Variants in PRPF40B observed in about 807,000 individuals in gnomAD.
The protein encoded by PRPF40B is pre-mRNA-processing factor 40 homolog B.
Under a neutral mutation model 124.5 loss-of-function variants are expected in PRPF40B, and 56 were observed. The ratio of observed to expected loss-of-function variants is 0.45; its 90% CI spans 0.36 to 0.56. PRPF40B has a LOEUF of 0.56. Among genes scored for constraint, PRPF40B ranks in the 20% least tolerant of loss-of-function variants. The probability of loss-of-function intolerance (pLI) is 0.00; values close to 1 mark genes in which losing one functional copy is unlikely to be tolerated. For synonymous variants in PRPF40B, 443 were observed against 426.4 expected, an observed-to-expected ratio of 1.04 and a Z score of -0.48; for missense variants, 1,053 against 1,169.5, an observed-to-expected ratio of 0.90 and a Z score of 1.45.
intron 1 of PRPF40B, among the ~76,000 whole-genome samples, chr12:49,625,673 T>A (rs879396910): frequency 6.6e-6 from 1 of 152,198 alleles, no homozygotes; most frequent in African/African-American, 2.4e-5. Flanking sequence ...GATGATCAGA[T>A]GATCAAGTGT....
Position 49,634,468 on chromosome 12 carries a change from G to A in PRPF40B, c.936+13G>A. 1 of 1,614,144 alleles carries A rather than the reference G, an allele frequency of 6.2e-7. No homozygotes were observed. The highest frequency in any genetic ancestry group is 2.2e-5 in the East Asian group (1 of 44,882). On this transcript the variant is annotated intron_variant, in intron 11 of 25. Transcript: ENST00000548825. ...GCTGAGGGACAAGGTGCTGGAGTGG[G>A]GCTCCCAGGGAAGGTTTGGAGGGGG...
Position 49,634,380 on chromosome 12 carries a change from A to G in PRPF40B, c.861A>G (p.Glu287=). The G allele has an allele frequency of 6.2e-7, 1 of 1,614,222 alleles. No homozygotes were observed. The highest frequency in any genetic ancestry group is 8.5e-7 in the Non-Finnish European group (1 of 1,180,038). Reference sequence around the variant, plus strand: ...AGGAGGAGGAGGAATCAAAGCCAGAACCAGAGAGGTCTGGCCTCAGTTGGA... The same window carrying G: ...AGGAGGAGGAGGAATCAAAGCCAGAGCCAGAGAGGTCTGGCCTCAGTTGGA... ...PQQEEEESKP[E]PERSGLSWSN... The change falls in exon 11 of 26, where the codon GAA becomes GAG. Residue 287 remains glutamate, a synonymous_variant. Transcript: ENST00000548825.
chr12:49,631,978 C>A lies in PRPF40B; in HGVS notation c.294+53C>A. 1 of 1,547,368 alleles carries A rather than the reference C, an allele frequency of 6.5e-7. No homozygotes were observed. Among genetic ancestry groups the A allele is most frequent in the South Asian group, 1.1e-5 (1 of 89,660 alleles). Reference sequence around the variant, plus strand: ...GGCTCTGCCCTGCAGTCCCGTGAGTCTGACTTGGAATGCAGGACTATGACC... The same window carrying A: ...GGCTCTGCCCTGCAGTCCCGTGAGTATGACTTGGAATGCAGGACTATGACC... On this transcript the variant is annotated intron_variant, in intron 4 of 25. Transcript: ENST00000548825. This position sits in a 1 kb window ranked among gnomAD's most constrained non-coding sequence, Gnocchi z 4.3.
chr12:49,642,366 G>A lies in PRPF40B; in HGVS notation c.2016G>A (p.Trp672Ter), dbSNP rs764981717. The change falls in exon 20 of 26, where the codon TGG (tryptophan) becomes TGA (stop). Residue 672 changes from tryptophan (W) to a stop codon, truncating the protein, a stop_gained. Coordinates refer to ENST00000548825, the MANE Select transcript of PRPF40B (RefSeq NM_001031698.3). LOFTEE classifies it high-confidence loss of function. This position sits in a 1 kb window ranked among gnomAD's most constrained non-coding sequence, Gnocchi z 5.8. The stretch of plus-strand genomic sequence containing the variant: ...CTGCTCTGGAGCTAGGCACTGCCTG[G>A]GAAGAGGTCAGGAGCGTAGCCTGGC... ...AVPALELGTA[W>*]EEVRERFVCD... The A allele has an allele frequency of 6.2e-7, 1 of 1,613,776 alleles. No individual in the cohort carries two copies. Among genetic ancestry groups the A allele is most frequent in the South Asian group, 1.1e-5 (1 of 91,076 alleles).
rs1354644741 is a variant in PRPF40B, at chr12:49,644,135, G to A, written c.2622G>A (p.Glu874=). The A allele has an allele frequency of 1.6e-5, 26 of 1,614,076 alleles. No homozygotes were observed. Among genetic ancestry groups the A allele is most frequent in the Admixed American group, 3.3e-5 (2 of 60,012 alleles). ...GWDTSESELS[E]GELERRRRTL... is the part of the protein sequence containing the mutation. ...ACACGTCAGAAAGTGAGCTGAGTGA[G>A]GGTGAGCTGGAGAGGCGGCGGCGGA... The change falls in exon 26 of 26, where the codon GAG becomes GAA. Residue 874 remains glutamate (E), a synonymous_variant. Coordinates refer to ENST00000548825, the MANE Select transcript of PRPF40B (RefSeq NM_001031698.3).
chr12:49,623,358 C>T (rs1014749159), upstream of PRPF40B: 14 of 209,682 alleles, frequency 6.7e-5, no homozygotes, highest in Non-Finnish European at 1.1e-4. Context: ...GGGGCGGACC[C>T]GGGACGCGGC....
At chr12:49,634,217 G>C in intron 10 of PRPF40B, 115 bp from the exon 11 acceptor site, 1 of 1,585,174 alleles carries the variant, frequency 6.3e-7, no homozygotes, top group Non-Finnish European at 8.6e-7. Context: ...CCTCTGAAGG[G>C]CAGAAAAAGG....
Position 49,642,625 on chromosome 12 carries a change from C to T in PRPF40B, c.2068C>T (p.Leu690=), listed in dbSNP as rs1473401616. The part of the protein sequence containing the change: ...VCDSAFEQIT[L]ESERIRLFRE... The stretch of plus-strand genomic sequence containing the variant: ...TGACTCAGCCTTTGAGCAGATCACC[C>T]TGGAGTCGGAGCGGATCCGGCTCTT... Residue 690 remains leucine, a synonymous_variant, in exon 21 of 26, where the codon CTG becomes TTG. Coordinates refer to ENST00000548825, the MANE Select transcript of PRPF40B (RefSeq NM_001031698.3). The surrounding 1 kb of genome is among the most constrained non-coding windows in gnomAD (Gnocchi z 5.8). 6.2e-7 allele frequency: 1 copy of T among 1,614,228 alleles called. No homozygotes were observed. The highest frequency in any genetic ancestry group is 8.5e-7 in the Non-Finnish European group (1 of 1,180,032).
rs1942089136 is a variant in PRPF40B, at chr12:49,638,043, T to C, written c.1767+219T>C. 1.7e-5 allele frequency: 9 copies of C among 542,230 alleles called. No individual in the cohort carries two copies. In the South Asian group the frequency reaches 1.9e-4, roughly 12 times the overall value. The allele number at this position is 542,230 out of a possible 1,614,324, so 33.6% of individuals were successfully genotyped here. A position where few individuals can be genotyped will look rare whatever the true frequency, so the allele number is the denominator to read the frequency against. ...AGGAAGATATACATGAGAACTGTTATACAAAGGGGCAAGTGTTATTACAGA... is the reference window on the plus strand; with the variant it reads ...AGGAAGATATACATGAGAACTGTTACACAAAGGGGCAAGTGTTATTACAGA... On this transcript the variant is annotated intron_variant, in intron 18 of 25. Transcript: ENST00000548825.
Position 49,635,947 on chromosome 12 carries a change from G to A in PRPF40B, c.1380G>A (p.Gln460=). 3.7e-6 allele frequency: 6 copies of A among 1,614,120 alleles called. No individual in the cohort carries two copies. The Middle Eastern group carries it at 5.0e-4, about 133-fold the overall frequency. The change falls in exon 15 of 26, where the codon CAG becomes CAA. Residue 460 remains glutamine (Q), a synonymous_variant. Coordinates refer to ENST00000548825, the MANE Select transcript of PRPF40B (RefSeq NM_001031698.3). This position sits in a 1 kb window ranked among gnomAD's most constrained non-coding sequence, Gnocchi z 4.1. Reference sequence around the variant, plus strand: ...AAACCACGTGGTCCCAGGCCCAGCAGTACCTCATGGATAACCCCAGCTTTG... The same window carrying A: ...AAACCACGTGGTCCCAGGCCCAGCAATACCTCATGGATAACCCCAGCTTTG... ...NFQTTWSQAQ[Q]YLMDNPSFAQ...
chr12:49,634,198 T>A, intron 10 of PRPF40B, 106 bp downstream of exon 10: 3 of 1,576,112 alleles, frequency 1.9e-6, no homozygotes, highest in South Asian at 2.4e-5. Flanking sequence ...TTTGAAGATC[T>A]GGGTGTGACC....
chr12:49,642,050 A>G lies in PRPF40B; in HGVS notation c.1884+26A>G. On this transcript the variant is annotated intron_variant, in intron 19 of 25. Coordinates refer to ENST00000548825, the MANE Select transcript of PRPF40B (RefSeq NM_001031698.3). This position sits in a 1 kb window ranked among gnomAD's most constrained non-coding sequence, Gnocchi z 5.8. ...GTGAGGGGCTGGGCGGGGCGTGGGA[A>G]GTTCTCTAATTCATCTGTGTCTTGC... 1 of 1,608,824 alleles carries G rather than the reference A, an allele frequency of 6.2e-7. No homozygotes were observed. The highest frequency in any genetic ancestry group is 1.1e-5 in the South Asian group (1 of 91,040).
At position 49,636,703 on chromosome 12, in the gene PRPF40B, T is replaced by A. The variant is rs767834251; in HGVS notation, c.1427-13T>A. 1.2e-6 allele frequency: 2 copies of A among 1,613,864 alleles called. No individual in the cohort carries two copies. Among genetic ancestry groups the A allele is most frequent in the Non-Finnish European group, 1.7e-6 (2 of 1,179,746 alleles). ...CTGGGACAATGCCCGCGGAACCTCCTGCCTGTCTTTAGACATGGACAAGGA... is the reference window on the plus strand; with the variant it reads ...CTGGGACAATGCCCGCGGAACCTCCAGCCTGTCTTTAGACATGGACAAGGA... On this transcript the variant is annotated splice_polypyrimidine_tract_variant and intron_variant, in intron 15 of 25. Transcript: ENST00000548825.
Position 49,631,792 on chromosome 12 carries a change from A to G in PRPF40B, c.229-68A>G. ...CAGTGAGATGTCTCAGGACCCTTTG[A>G]GGTACCCTGTCCCTCCTGTTCCAGC... On this transcript the variant is annotated intron_variant, in intron 3 of 25. Transcript: ENST00000548825. The surrounding 1 kb of genome is among the most constrained non-coding windows in gnomAD (Gnocchi z 4.3). 1 of 1,487,780 alleles carries G rather than the reference A, an allele frequency of 6.7e-7. No individual in the cohort carries two copies. 92.2% of individuals were successfully genotyped at this position (1,487,780 alleles called of 1,614,324 possible).
At position 49,633,005 on chromosome 12, in the gene PRPF40B, C is replaced by CA; in HGVS notation, c.349-9_349-8insA. On this transcript the variant is annotated splice_polypyrimidine_tract_variant and intron_variant, in intron 6 of 25. Transcript: ENST00000548825. ...TTGACCACCATTCTGTGCCCCCCCCCCCACCCAGAGGGCCCTATGGAGTGA... is the reference window on the plus strand; with the variant it reads ...TTGACCACCATTCTGTGCCCCCCCCCACCACCCAGAGGGCCCTATGGAGTGA... 8.2e-6 allele frequency: 6 copies of CA among 728,156 alleles called. No individual in the cohort carries two copies. 45.1% of individuals were successfully genotyped at this position (728,156 alleles called of 1,614,324 possible).
In PRPF40B at chr12:49,643,921, G is replaced by T; in HGVS notation, c.2503G>T (p.Glu835Ter). The T allele has an allele frequency of 6.2e-7, 1 of 1,614,222 alleles. No individual in the cohort carries two copies. The highest frequency in any genetic ancestry group is 8.5e-7 in the Non-Finnish European group (1 of 1,180,046). Residue 835 changes from glutamate to a stop codon, truncating the protein, a stop_gained, in exon 25 of 26, where the codon GAA (glutamate) becomes TAA (stop). Coordinates refer to ENST00000548825, the MANE Select transcript of PRPF40B (RefSeq NM_001031698.3). LOFTEE classifies it high-confidence loss of function. ...AGCTGGCAAGGAGAGCGATGAGAAA[G>T]AACAAGAACAGGACAAGGACAGGGA... ...EKAGKESDEK[E>*]QEQDKDRELQ...
At chr12:49,643,475 C>A in intron 23 of PRPF40B, 78 bp downstream of exon 23, 1 of 1,494,920 alleles carries the variant, frequency 6.7e-7, no homozygotes, top group Non-Finnish European at 9.0e-7. Flanking sequence ...AGCCCCAGCT[C>A]CTTTGAGGGT....
intron 1 of PRPF40B, among the ~76,000 whole-genome samples, chr12:49,628,857 T>C (rs1185365700): frequency 2.0e-5 from 3 of 152,178 alleles, no homozygotes; most frequent in Non-Finnish European, 2.9e-5. Context: ...TGAGCCACCG[T>C]GCCCAGCCAG....
chr12:49,631,800 T>G lies in PRPF40B; in HGVS notation c.229-60T>G, dbSNP rs1941250673. ...TGTCTCAGGACCCTTTGAGGTACCC[T>G]GTCCCTCCTGTTCCAGCCCTTACCT... is the stretch of plus-strand genomic sequence containing the variant. On this transcript the variant is annotated intron_variant, in intron 3 of 25. Transcript: ENST00000548825. This position sits in a 1 kb window ranked among gnomAD's most constrained non-coding sequence, Gnocchi z 4.3. 2 of 1,499,800 alleles carry G rather than the reference T, an allele frequency of 1.3e-6. No individual in the cohort carries two copies. The highest frequency in any genetic ancestry group is 1.1e-5 in the South Asian group (1 of 88,804). 92.9% of individuals were successfully genotyped at this position (1,499,800 alleles called of 1,614,324 possible).
Sources: gnomAD v4.1 joint callset for allele counts (sites outside exome capture counted in the v4.1 genomes callset) on GRCh38, gnomAD v4.1.1 for gene constraint, Gnocchi (gnomAD v3.1) non-coding constraint, MANE v1.5 for transcripts, NCBI Gene and HGNC (gene_info 2026-07-23, HGNC 2026-07-21) for gene names.